The following SFXN5 variants were observed in gnomAD, a reference collection of about 807,000 sequenced individuals.
SFXN5 encodes the protein sideroflexin-5.
In SFXN5, 43 loss-of-function variants were observed where a neutral mutation model predicts 50.2. The observed-to-expected ratio is 0.86, with a 90% CI of 0.67 to 1.11. The LOEUF is 1.11. Ranked by LOEUF, SFXN5 falls within the 50% of genes least tolerant of loss-of-function variation. The pLI is 0.00. For missense variants in SFXN5, 463 were observed against 454.1 expected, an observed-to-expected ratio of 1.02 and a Z score of -0.18; for synonymous variants, 203 against 185.8, an observed-to-expected ratio of 1.09 and a Z score of -0.75.
chr2:73,026,478 C>A (rs1263051588), intron 3 of SFXN5, among the ~76,000 whole-genome samples: 2 of 151,944 alleles, frequency 1.3e-5, no homozygotes, highest in Non-Finnish European at 2.9e-5. Context: ...TGGTCAATGA[C>A]AAACCACATA....
chr2:73,045,775 C>T (rs763523004), intron 2 of SFXN5, among the ~76,000 whole-genome samples: 5 of 152,162 alleles, frequency 3.3e-5, no homozygotes, highest in South Asian at 2.1e-4. Flanking sequence ...AAGCCTTTCT[C>T]TTGTCTTCCC....
At chr2:73,056,703 C>A (rs7580710) in intron 2 of SFXN5, among the ~76,000 whole-genome samples, 1,571 of 148,902 alleles carry the variant, frequency 0.011, 26 homozygotes, top group African/African-American at 0.036. Flanking sequence ...AAAAAAAACA[C>A]AAAAAACAAA....
chr2:72,969,244 A>T (rs1274307915), intron 11 of SFXN5, among the ~76,000 whole-genome samples: 1 of 152,056 alleles, frequency 6.6e-6, no homozygotes, highest in African/African-American at 2.4e-5. Context: ...GGTGGGCACA[A>T]CCTCCCATAC....
chr2:72,978,757 C>T (rs187434731), intron 10 of SFXN5, among the ~76,000 whole-genome samples: 10 of 152,254 alleles, frequency 6.6e-5, no homozygotes, highest in Admixed American at 2.0e-4. Flanking sequence ...TGGGTACACA[C>T]GCTAGCCTGG....
intron 13 of SFXN5, among the ~76,000 whole-genome samples, chr2:72,951,261 C>T (rs140819563): frequency 6.1e-4 from 93 of 152,310 alleles, no homozygotes; most frequent in Admixed American, 3.9e-3. Flanking sequence ...TGCCCCTCTC[C>T]GTATCAGAGT....
chr2:72,994,892 C>T (rs1673027176), intron 9 of SFXN5: 1 of 152,676 alleles, frequency 6.5e-6, no homozygotes, highest in Non-Finnish European at 1.5e-5. Flanking sequence ...TCATGCTCTC[C>T]TGTGCACCTC....
chr2:73,059,902 C>T lies in SFXN5; in HGVS notation c.103-1306G>A, dbSNP rs1054937614. 4.5e-5 allele frequency: 44 copies of T among 973,504 alleles called. 2 individuals are homozygous for T. The African/African-American group carries it at 7.0e-4, about 16-fold the overall frequency. The allele number at this position is 973,504 out of a possible 1,614,324, so 60.3% of individuals were successfully genotyped here. A position where few individuals can be genotyped will look rare whatever the true frequency, so the allele number is the denominator to read the frequency against. ...GTGTACATACCAAGGATATTCACTG[C>T]TGCATTCTTTACAAAGGTGGATGGT... On this transcript the variant is annotated intron_variant, in intron 1 of 13. Coordinates refer to ENST00000272433, the MANE Select transcript of SFXN5 (RefSeq NM_144579.3).
intron 6 of SFXN5, chr2:73,019,771 A>G (rs1676628452): frequency 6.3e-6 from 1 of 158,768 alleles, no homozygotes; most frequent in Non-Finnish European, 1.4e-5. Flanking sequence ...CTGTACATTT[A>G]TGATGAATGC....
In SFXN5 at chr2:72,968,122, AACACACACACACACAC is replaced by A. The variant is rs34361357; in HGVS notation, c.827+310_827+325del. ...CTGAGAGCATGTGAGCACACATGAA[AACACACACACACACAC>A]ACACACACACACACACACACACACA... On this transcript the variant is annotated intron_variant, in intron 12 of 13. Transcript: ENST00000272433. Among the ~76,000 whole-genome samples the A allele has an allele frequency of 3.5e-3, 486 of 137,284 alleles. 1 individual carries two copies. Among genetic ancestry groups the A allele is most frequent in the Middle Eastern group, 7.4e-3 (2 of 272 alleles). 90.1% of individuals were successfully genotyped at this position (137,284 alleles called of 152,430 possible). A position where few individuals can be genotyped will look rare whatever the true frequency, so the allele number is the denominator to read the frequency against.
At chr2:72,974,684 G>A (rs1250709745) in intron 10 of SFXN5, among the ~76,000 whole-genome samples, 1 of 152,184 alleles carries the variant, frequency 6.6e-6, no homozygotes, top group African/African-American at 2.4e-5. Context: ...CCCTTGGGCA[G>A]TGGGAATGCC....
At chr2:73,056,193 C>T (rs1478593132) in intron 2 of SFXN5, among the ~76,000 whole-genome samples, 1 of 151,924 alleles carries the variant, frequency 6.6e-6, no homozygotes, top group Non-Finnish European at 1.5e-5. Flanking sequence ...TACATATATT[C>T]CTACATACAT....
chr2:72,955,382 T>C (rs1225222895), intron 13 of SFXN5, among the ~76,000 whole-genome samples: 1 of 152,018 alleles, frequency 6.6e-6, no homozygotes, highest in Non-Finnish European at 1.5e-5. Flanking sequence ...CAAAAACAGA[T>C]TGTTGAACAA....
At chr2:73,013,325 T>C (rs1675768528) in intron 6 of SFXN5, among the ~76,000 whole-genome samples, 1 of 151,670 alleles carries the variant, frequency 6.6e-6, no homozygotes. Context: ...TGATATATAA[T>C]GCAAGTCATT....
intron 1 of SFXN5, among the ~76,000 whole-genome samples, chr2:73,063,143 ACT>A (rs1209211491): frequency 7.2e-5 from 11 of 151,952 alleles, no homozygotes; most frequent in Admixed American, 6.6e-4. Context: ...GAAGATAAAA[ACT>A]CTGTATTGGT....
At chr2:72,974,954 T>A (rs1370077123) in intron 10 of SFXN5, among the ~76,000 whole-genome samples, 1 of 152,076 alleles carries the variant, frequency 6.6e-6, no homozygotes, top group African/African-American at 2.4e-5. Context: ...ATTGATGGTA[T>A]CAGCAGGTTA....
chr2:72,946,852 A>C (rs1240520214), intron 13 of SFXN5, among the ~76,000 whole-genome samples: 2 of 151,996 alleles, frequency 1.3e-5, no homozygotes, highest in African/African-American at 4.8e-5. Flanking sequence ...GCTCCATGGC[A>C]CCCTGATCCT....
chr2:72,966,193 A>T (rs2105416886), intron 12 of SFXN5, among the ~76,000 whole-genome samples: 1 of 152,266 alleles, frequency 6.6e-6, no homozygotes, highest in Non-Finnish European at 1.5e-5. Flanking sequence ...GTAGGCGTCC[A>T]TTGTCCCCGA....
intron 2 of SFXN5, among the ~76,000 whole-genome samples, chr2:73,056,849 G>A (rs954266237): frequency 1.7e-4 from 26 of 152,272 alleles, no homozygotes; most frequent in Non-Finnish European, 3.2e-4. Context: ...AATGTACAAC[G>A]CTTTGAACAA....
intron 3 of SFXN5, among the ~76,000 whole-genome samples, chr2:73,023,822 T>C (rs1377476078): frequency 6.6e-6 from 1 of 152,212 alleles, no homozygotes; most frequent in African/African-American, 2.4e-5. Flanking sequence ...CCTGTTGTTA[T>C]CATAAGAAGG....
Sources: allele counts gnomAD v4.1 joint callset (sites outside exome capture counted in the v4.1 genomes callset), GRCh38; gene constraint gnomAD v4.1.1; transcripts MANE v1.5; gene names NCBI Gene and HGNC (gene_info 2026-07-23, HGNC 2026-07-21).